TFDP1: variants seen among roughly 807,000 people sequenced by gnomAD.
TFDP1 encodes the protein DRTF1-polypeptide 1.
TFDP1 carries 6 observed loss-of-function variants against 48.0 expected under a neutral mutation model. The observed-to-expected ratio is 0.13, with a 90% CI of 0.07 to 0.25. The LOEUF is 0.25. Among genes scored for constraint, TFDP1 ranks in the 10% least tolerant of loss-of-function variants. TFDP1 has a pLI of 1.00. For missense variants in TFDP1, 335 were observed against 543.0 expected, an observed-to-expected ratio of 0.62 and a Z score of 3.81; for synonymous variants, 201 against 211.6, an observed-to-expected ratio of 0.95 and a Z score of 0.44.
At chr13:113,619,792 T>C (rs1243374896) in intron 3 of TFDP1, among the ~76,000 whole-genome samples, 1 of 152,192 alleles carries the variant, frequency 6.6e-6, no homozygotes, top group Non-Finnish European at 1.5e-5. Context: ...GGGGTGCTGC[T>C]GGGTTGGTGT....
intron 3 of TFDP1, among the ~76,000 whole-genome samples, chr13:113,616,144 A>G (rs922051629): frequency 1.3e-5 from 2 of 151,064 alleles, no homozygotes; most frequent in African/African-American, 4.9e-5. Flanking sequence ...CGGAGGTTGC[A>G]GTGAGCTGAG....
chr13:113,626,502 A>G (rs2049183015), intron 4 of TFDP1, among the ~76,000 whole-genome samples: 1 of 150,626 alleles, frequency 6.6e-6, no homozygotes, highest in Non-Finnish European at 1.5e-5. Flanking sequence ...CCCGCGTCCC[A>G]CTTCCCTGCG....
At chr13:113,587,159 C>T (rs1395227917) in intron 2 of TFDP1, among the ~76,000 whole-genome samples, 5 of 152,202 alleles carry the variant, frequency 3.3e-5, no homozygotes, top group African/African-American at 7.2e-5. Flanking sequence ...TTCACTGGCA[C>T]TGTCTGTGAG....
chr13:113,624,727 C>T (rs11616555), intron 4 of TFDP1, among the ~76,000 whole-genome samples: 9 of 70,136 alleles, frequency 1.3e-4, no homozygotes, highest in Admixed American at 5.2e-4. Context: ...CATGTCCTCA[C>T]GTGTCTCTCA....
chr13:113,619,521 G>A lies in TFDP1; in HGVS notation c.80-3659G>A, dbSNP rs188559678. Among the ~76,000 whole-genome samples the A allele has an allele frequency of 2.7e-3, 406 of 151,458 alleles. 1 individual carries two copies. Among genetic ancestry groups the A allele is most frequent in the African/African-American group, 9.4e-3 (388 of 41,288 alleles). Reference sequence around the variant, plus strand: ...AAAAAGAAGAAGCCCACCCACCCAGGTCTGGCCCCAGAAGCCACTGCCACT... The same window carrying A: ...AAAAAGAAGAAGCCCACCCACCCAGATCTGGCCCCAGAAGCCACTGCCACT... On this transcript the variant is annotated intron_variant, in intron 3 of 11. Coordinates refer to ENST00000375370, the MANE Select transcript of TFDP1 (RefSeq NM_007111.5).
chr13:113,637,760 G>A, intron 10 of TFDP1, 58 bp from the exon 11 acceptor site: 3 of 1,614,092 alleles, frequency 1.9e-6, no homozygotes, highest in Non-Finnish European at 2.5e-6. Flanking sequence ...TTGGTTGCCT[G>A]TGCGTCTTGT....
At chr13:113,603,535 A>G (rs1360244491) in intron 2 of TFDP1, among the ~76,000 whole-genome samples, 1 of 152,198 alleles carries the variant, frequency 6.6e-6, no homozygotes, top group Admixed American at 6.5e-5. Context: ...TGGTGATGTC[A>G]TCTTTTATAG....
At chr13:113,587,482 C>CT (rs34556944) in intron 2 of TFDP1, among the ~76,000 whole-genome samples, 4,052 of 125,472 alleles carry the variant, frequency 0.032, 177 homozygotes, top group Non-Finnish European at 0.051. Context: ...TTCGCTAGCT[C>CT]TTTTTTTTTT....
intron 2 of TFDP1, among the ~76,000 whole-genome samples, chr13:113,603,816 T>C (rs895020180): frequency 6.6e-6 from 1 of 152,146 alleles, no homozygotes; most frequent in African/African-American, 2.4e-5. Context: ...TACTGGCAGG[T>C]AGGGTTGCAT....
chr13:113,614,661 C>T (rs929768192), intron 3 of TFDP1, among the ~76,000 whole-genome samples: 1 of 152,228 alleles, frequency 6.6e-6, no homozygotes, highest in South Asian at 2.1e-4. Flanking sequence ...ACGTCACAGC[C>T]TCCCGGGGCC....
At chr13:113,630,711 A>C (rs987101041) in intron 4 of TFDP1, among the ~76,000 whole-genome samples, 1 of 152,250 alleles carries the variant, frequency 6.6e-6, no homozygotes, top group South Asian at 2.1e-4. Context: ...TTGAAAAGTC[A>C]GAGTTGTATT....
intron 2 of TFDP1, among the ~76,000 whole-genome samples, chr13:113,589,674 G>A (rs535565639): frequency 2.0e-5 from 3 of 152,334 alleles, no homozygotes; most frequent in African/African-American, 7.2e-5. Context: ...GCTCGGAACC[G>A]TCCTCAGATT....
intron 2 of TFDP1, among the ~76,000 whole-genome samples, chr13:113,595,546 A>G (rs1008384991): frequency 6.6e-6 from 1 of 152,120 alleles, no homozygotes; most frequent in African/African-American, 2.4e-5. Flanking sequence ...TGCTGCATGG[A>G]TGTGTCTCAG....
At chr13:113,595,875 T>G (rs4150701) in intron 2 of TFDP1, among the ~76,000 whole-genome samples, 1,816 of 152,192 alleles carry the variant, frequency 0.012, 23 homozygotes, top group African/African-American at 0.034. Context: ...AAGGTCAGGA[T>G]ATCGAGACCA....
intron 2 of TFDP1, among the ~76,000 whole-genome samples, chr13:113,600,449 G>A (rs1182681817): frequency 1.3e-5 from 2 of 150,936 alleles, no homozygotes; most frequent in African/African-American, 4.9e-5. Context: ...CTTGCACATA[G>A]GGCTCCAGGA....
chr13:113,633,322 G>A lies in TFDP1; in HGVS notation c.474+37G>A, dbSNP rs757807386. On this transcript the variant is annotated intron_variant, in intron 6 of 11. Transcript: ENST00000375370. This position sits in a 1 kb window ranked among gnomAD's most constrained non-coding sequence, Gnocchi z 4.5. ...CCGGGGGCCGAGAGGCTGGGGTGGC[G>A]GAGCCCAGCGGTGTGGTACGTTTCG... 5.1e-6 allele frequency: 8 copies of A among 1,570,642 alleles called. No homozygotes were observed. Among genetic ancestry groups the A allele is most frequent in the African/African-American group, 4.1e-5 (3 of 73,764 alleles).
intron 1 of TFDP1, among the ~76,000 whole-genome samples, chr13:113,585,116 C>G (rs1246365265): frequency 6.8e-6 from 1 of 146,844 alleles, no homozygotes; most frequent in Non-Finnish European, 1.5e-5. Flanking sequence ...CCGGCCCTCC[C>G]GGCCGACAGC....
intron 3 of TFDP1, among the ~76,000 whole-genome samples, chr13:113,613,703 A>G (rs1209974172): frequency 1.4e-5 from 2 of 140,098 alleles, no homozygotes; most frequent in African/African-American, 2.8e-5. Flanking sequence ...GTATGCGTGA[A>G]TGCGTGGGTA....
At chr13:113,593,555 G>A (rs544047265) in intron 2 of TFDP1, among the ~76,000 whole-genome samples, 1 of 135,622 alleles carries the variant, frequency 7.4e-6, no homozygotes, top group Admixed American at 7.5e-5. Flanking sequence ...TGGTGTGTGC[G>A]GGTCCTCAGC....
Sources: gnomAD v4.1 joint callset for allele counts (sites outside exome capture counted in the v4.1 genomes callset) on GRCh38, gnomAD v4.1.1 for gene constraint, Gnocchi (gnomAD v3.1) non-coding constraint, MANE v1.5 for transcripts, NCBI Gene and HGNC (gene_info 2026-07-23, HGNC 2026-07-21) for gene names.